FAM83F: variants seen among roughly 807,000 people sequenced by gnomAD.
The protein encoded by FAM83F is scaffolding CK1 anchoring protein F, also known as protein FAM83F.
In FAM83F, 45 loss-of-function variants were observed where a neutral mutation model predicts 42.9. The observed-to-expected ratio is 1.05, with a 90% CI of 0.83 to 1.35. FAM83F has a LOEUF of 1.35. Ranked by LOEUF, FAM83F falls within the 40% of genes most tolerant of loss-of-function variation. The probability of loss-of-function intolerance (pLI) is 0.00; values close to 1 mark genes in which losing one functional copy is unlikely to be tolerated. For missense variants in FAM83F, 617 were observed against 695.9 expected (o/e 0.89, Z 1.28); for synonymous variants, 306 against 298.3 (o/e 1.03, Z -0.27).
intron 4 of FAM83F, among the ~76,000 whole-genome samples, chr22:40,027,637 C>T (rs1289924469): frequency 6.6e-6 from 1 of 152,258 alleles, no homozygotes; most frequent in African/African-American, 2.4e-5. Context: ...TGACAAGGGA[C>T]ACAGAGTTTG....
intron 1 of FAM83F, among the ~76,000 whole-genome samples, chr22:40,001,604 G>A (rs1244488207): frequency 1.3e-5 from 2 of 151,864 alleles, no homozygotes; most frequent in Non-Finnish European, 2.9e-5. Context: ...CAGAGATTTC[G>A]CCACTGCACT....
rs2067623604 is a variant in FAM83F at position 40,036,304 on chromosome 22, A to C, written c.*6739A>C. On this transcript the variant is annotated 3_prime_UTR_variant, in exon 5 of 5. Coordinates refer to ENST00000333407, the MANE Select transcript of FAM83F (RefSeq NM_138435.4). ...CTTGGCCTCCCAAAGTGTTGGGATTACAGGCATTAGCTACCACACCTGGCC... is the reference window on the plus strand; with the variant it reads ...CTTGGCCTCCCAAAGTGTTGGGATTCCAGGCATTAGCTACCACACCTGGCC... 1 of 152,224 alleles carries C rather than the reference A, an allele frequency of 6.6e-6. No homozygotes were observed. Among genetic ancestry groups the C allele is most frequent in the Non-Finnish European group, 1.5e-5 (1 of 68,042 alleles). 9.4% of individuals were successfully genotyped at this position (152,224 alleles called of 1,614,324 possible). A position where few individuals can be genotyped will look rare whatever the true frequency, so the allele number is the denominator to read the frequency against.
rs2067367892 is a variant in FAM83F at position 39,995,276 on chromosome 22, C to T, written c.234C>T (p.Val78=). Residue 78 remains valine (V), a synonymous_variant, in exon 1 of 5, where the codon GTC becomes GTT. Coordinates refer to ENST00000333407, the MANE Select transcript of FAM83F (RefSeq NM_138435.4). The surrounding 1 kb of genome is among the most constrained non-coding windows in gnomAD (Gnocchi z 4.6). ...RAAWSPYEDA[V]PAANARGKSK... is the part of the protein sequence containing the mutation. ...CCTGGAGCCCCTACGAGGACGCCGT[C>T]CCCGCCGCCAACGCCCGGGGCAAGA... 1 of 1,535,902 alleles carries T rather than the reference C, an allele frequency of 6.5e-7. No homozygotes were observed. The highest frequency in any genetic ancestry group is 1.4e-5 in the African/African-American group (1 of 72,910).
rs2067585920 is a variant in FAM83F, at chr22:40,031,314, G to C, written c.*1749G>C. 6.6e-6 allele frequency: 1 copy of C among 152,156 alleles called. No individual in the cohort carries two copies. The highest frequency in any genetic ancestry group is 1.5e-5 in the Non-Finnish European group (1 of 68,030). 9.4% of individuals were successfully genotyped at this position (152,156 alleles called of 1,614,324 possible). ...CGAGGCGGACACCTTGAAGGTATGG[G>C]ACATGAAATGTGTAAACTGCAACGC... is the stretch of plus-strand genomic sequence containing the variant. On this transcript the variant is annotated 3_prime_UTR_variant, in exon 5 of 5. Transcript: ENST00000333407.
chr22:40,016,278 CT>C (rs2067492009), intron 1 of FAM83F, among the ~76,000 whole-genome samples: 1 of 152,190 alleles, frequency 6.6e-6, no homozygotes, highest in Admixed American at 6.5e-5. Context: ...TCATGGCTCA[CT>C]GCAGCCTCAA....
intron 1 of FAM83F, among the ~76,000 whole-genome samples, chr22:40,007,040 T>G (rs1176410359): frequency 6.6e-6 from 1 of 152,030 alleles, no homozygotes; most frequent in Non-Finnish European, 1.5e-5. Context: ...TTCAGAGGGC[T>G]TAAGTAACTT....
At chr22:40,001,623 G>A (rs538218353) in intron 1 of FAM83F, among the ~76,000 whole-genome samples, 3 of 151,844 alleles carry the variant, frequency 2.0e-5, no homozygotes, top group Admixed American at 6.6e-5. Context: ...CTCCAGCCTG[G>A]GTGCCAGAGT....
At chr22:40,013,120 T>G (rs1220782505) in intron 1 of FAM83F, among the ~76,000 whole-genome samples, 1 of 149,788 alleles carries the variant, frequency 6.7e-6, no homozygotes, top group Non-Finnish European at 1.5e-5. Flanking sequence ...CTGCTCCTTT[T>G]TACATACTTA....
At chr22:40,006,962 A>T (rs1335094199) in intron 1 of FAM83F, among the ~76,000 whole-genome samples, 2 of 152,148 alleles carry the variant, frequency 1.3e-5, no homozygotes, top group African/African-American at 4.8e-5. Flanking sequence ...GCAAGATTTT[A>T]TCTAGGCTTG....
Position 40,021,770 on chromosome 22 carries a change from C to A in FAM83F, c.1260C>A (p.Ser420Arg). The change falls in exon 4 of 5, where the codon AGC (serine) becomes AGA (arginine). Residue 420 changes from serine (S) to arginine (R), a missense_variant. Coordinates refer to ENST00000333407, the MANE Select transcript of FAM83F (RefSeq NM_138435.4). This position sits in a 1 kb window ranked among gnomAD's most constrained non-coding sequence, Gnocchi z 8.7. ...DLKPKSREAPSRNGMGEAARG... is the reference protein window; with the variant it reads ...DLKPKSREAPRRNGMGEAARG... ...AGCCCAAATCCCGAGAGGCACCCAGCCGAAACGGCATGGGAGAAGCGGCCC... is the reference window on the plus strand; with the variant it reads ...AGCCCAAATCCCGAGAGGCACCCAGACGAAACGGCATGGGAGAAGCGGCCC... The A allele has an allele frequency of 1.2e-6, 2 of 1,612,902 alleles. No individual in the cohort carries two copies. The highest frequency in any genetic ancestry group is 1.7e-6 in the Non-Finnish European group (2 of 1,179,796).
intron 1 of FAM83F, among the ~76,000 whole-genome samples, chr22:39,996,931 G>A (rs1336226562): frequency 2.6e-5 from 4 of 152,204 alleles, no homozygotes; most frequent in African/African-American, 9.7e-5. Context: ...TGCAGCTGGG[G>A]TTAGGGGTCA....
rs777254588 is a variant in FAM83F, at chr22:40,023,601, C to T, written c.1453+1638C>T. ...CAAAGCCCATTGTCTTGTCCCTTCC[C>T]GCTGCCTTCTGCGTGTCCCTCCACA... On this transcript the variant is annotated intron_variant, in intron 4 of 4. Transcript: ENST00000333407. The surrounding 1 kb of genome is among the most constrained non-coding windows in gnomAD (Gnocchi z 4.1). 3.8e-4 allele frequency among the ~76,000 whole-genome samples: 58 copies of T among 152,250 alleles called. No homozygotes were observed. Among genetic ancestry groups the T allele is most frequent in the Non-Finnish European group, 7.2e-4 (49 of 67,996 alleles).
intron 3 of FAM83F, 81 bp downstream of exon 3, chr22:40,020,089 C>G (rs1486287898): frequency 2.0e-6 from 3 of 1,530,412 alleles, no homozygotes; most frequent in Non-Finnish European, 2.6e-6. Flanking sequence ...ACCGGAGCCT[C>G]CGTCATCATG....
chr22:40,018,448 T>C (rs1198174413), intron 1 of FAM83F, among the ~76,000 whole-genome samples: 1 of 152,086 alleles, frequency 6.6e-6, no homozygotes, highest in Non-Finnish European at 1.5e-5. Flanking sequence ...TTCCATTTTA[T>C]TTATTTATTT....
intron 2 of FAM83F, among the ~76,000 whole-genome samples, chr22:40,019,586 G>T (rs2067508718): frequency 6.6e-6 from 1 of 152,226 alleles, no homozygotes; most frequent in African/African-American, 2.4e-5. Context: ...GGCTGGTCCT[G>T]GGGTGCTTAG....
rs1027571592 is a variant in FAM83F, at chr22:40,036,978, C to T, written c.*7413C>T. ...AGCACTGAGGCACCCCTAGACAGTA[C>T]AGAAACAAGCAGGTGTGGCCATGTT... On this transcript the variant is annotated 3_prime_UTR_variant, in exon 5 of 5. Transcript: ENST00000333407. 2 of 152,224 alleles carry T rather than the reference C, an allele frequency of 1.3e-5. No individual in the cohort carries two copies. The highest frequency in any genetic ancestry group is 2.9e-5 in the Non-Finnish European group (2 of 68,052). 9.4% of individuals were successfully genotyped at this position (152,224 alleles called of 1,614,324 possible). A position where few individuals can be genotyped will look rare whatever the true frequency, so the allele number is the denominator to read the frequency against.
At chr22:40,014,982 T>TG in intron 1 of FAM83F, among the ~76,000 whole-genome samples, 1 of 152,320 alleles carries the variant, frequency 6.6e-6, no homozygotes, top group East Asian at 1.9e-4. Context: ...GGAAACAGCC[T>TG]AGAGTGCACT....
chr22:40,013,341 T>G (rs1030769471), intron 1 of FAM83F, among the ~76,000 whole-genome samples: 3 of 152,214 alleles, frequency 2.0e-5, no homozygotes, highest in African/African-American at 4.8e-5. Context: ...TAAGCCAGCT[T>G]TCCCAGTTGC....
At chr22:40,028,260 C>T (rs536112780) in intron 4 of FAM83F, among the ~76,000 whole-genome samples, 2 of 152,314 alleles carry the variant, frequency 1.3e-5, no homozygotes, top group African/African-American at 2.4e-5. Flanking sequence ...GGCCCGAGGC[C>T]GTGGGTCACA....
Sources: allele counts gnomAD v4.1 joint callset (sites outside exome capture counted in the v4.1 genomes callset), GRCh38; gene constraint gnomAD v4.1.1; non-coding constraint Gnocchi (gnomAD v3.1); transcripts MANE v1.5; gene names NCBI Gene and HGNC (gene_info 2026-07-23, HGNC 2026-07-21).